JPH2: variants seen among roughly 807,000 people sequenced by gnomAD.
JPH2 encodes the protein junctophilin 2.
JPH2 carries 38 observed loss-of-function variants against 55.9 expected under a neutral mutation model. The observed-to-expected ratio is 0.68, with a 90% CI of 0.52 to 0.89. The LOEUF (loss-of-function observed/expected upper bound fraction) is 0.89, where lower values mean the gene tolerates loss of function less well. JPH2 is among the 40% of genes least tolerant of loss of function. JPH2 has a pLI of 0.00. For missense variants in JPH2, 964 were observed against 1,037.6 expected, an observed-to-expected ratio of 0.93 and a Z score of 0.97; for synonymous variants, 480 against 472.4, an observed-to-expected ratio of 1.02 and a Z score of -0.21.
At chr20:44,124,690 A>C (rs780940106) in intron 2 of JPH2, among the ~76,000 whole-genome samples, 52 of 151,890 alleles carry the variant, frequency 3.4e-4, no homozygotes, top group Non-Finnish European at 5.6e-4. Context: ...GGAAACAAAA[A>C]TCCCTTGCAG....
At chr20:44,116,522 C>A in intron 3 of JPH2, 136 bp from the exon 4 acceptor site, 1 of 961,704 alleles carries the variant, frequency 1.0e-6, no homozygotes, top group Non-Finnish European at 1.6e-6. Context: ...GTGCCAGGCA[C>A]TGTTCCAAGC....
intron 1 of JPH2, chr20:44,177,556 A>G: frequency 8.7e-7 from 1 of 1,144,762 alleles, no homozygotes; most frequent in South Asian, 2.0e-5. Flanking sequence ...TCTCCATAGA[A>G]TGCCCAGAAG....
chr20:44,145,248 A>AT (rs1337531368), intron 2 of JPH2, among the ~76,000 whole-genome samples: 23 of 151,914 alleles, frequency 1.5e-4, no homozygotes, highest in Admixed American at 6.6e-4. Flanking sequence ...GGAGAGGGAG[A>AT]TTTTTCTCCC....
At chr20:44,161,984 A>C (rs193013739) in intron 1 of JPH2, among the ~76,000 whole-genome samples, 120 of 152,002 alleles carry the variant, frequency 7.9e-4, no homozygotes, top group African/African-American at 2.7e-3. Flanking sequence ...CACTCACCCC[A>C]CACACACACC....
chr20:44,134,663 T>TAAATATTTATAATAATATATATAA (rs374777754), intron 2 of JPH2, among the ~76,000 whole-genome samples: 1 of 27,698 alleles, frequency 3.6e-5, no homozygotes, highest in Non-Finnish European at 5.9e-5. Flanking sequence ...TATAAATATA[T>TAAATATTTATAATAATATATATAA]ATAAATATAT....
intron 1 of JPH2, among the ~76,000 whole-genome samples, chr20:44,173,421 C>A (rs879807180): frequency 1.3e-5 from 2 of 152,094 alleles, no homozygotes; most frequent in Non-Finnish European, 2.9e-5. Flanking sequence ...ATAATTTCAT[C>A]CCCAATCCAA....
chr20:44,175,437 C>A (rs2145893041), intron 1 of JPH2, among the ~76,000 whole-genome samples: 1 of 152,370 alleles, frequency 6.6e-6, no homozygotes, highest in South Asian at 2.1e-4. Flanking sequence ...CCGTAACAAT[C>A]CCAAGGCCTT....
intron 1 of JPH2, among the ~76,000 whole-genome samples, chr20:44,175,310 T>G (rs1245412143): frequency 6.6e-6 from 1 of 152,240 alleles, no homozygotes; most frequent in African/African-American, 2.4e-5. Context: ...TAGATTTCTT[T>G]CTGTATGAAT....
intron 2 of JPH2, among the ~76,000 whole-genome samples, chr20:44,141,056 G>A (rs1316368371): frequency 6.6e-6 from 1 of 152,124 alleles, no homozygotes; most frequent in Non-Finnish European, 1.5e-5. Context: ...GCAGTGAAGG[G>A]GCTAGAGATG....
At chr20:44,140,922 A>G (rs2072451984) in intron 2 of JPH2, among the ~76,000 whole-genome samples, 1 of 152,196 alleles carries the variant, frequency 6.6e-6, no homozygotes, top group Admixed American at 6.5e-5. Flanking sequence ...GGCTCAGGAA[A>G]GTGACATGCC....
chr20:44,132,439 C>G (rs975487159), intron 2 of JPH2, among the ~76,000 whole-genome samples: 1 of 151,214 alleles, frequency 6.6e-6, no homozygotes, highest in Admixed American at 6.6e-5. Context: ...CCATCTCCCC[C>G]CCTTGCCCCA....
chr20:44,155,883 A>C (rs2072562207), intron 2 of JPH2, among the ~76,000 whole-genome samples: 1 of 152,116 alleles, frequency 6.6e-6, no homozygotes, highest in Non-Finnish European at 1.5e-5. Context: ...TAAAAATACA[A>C]AAATTAGCCA....
At position 44,115,470 on chromosome 20, in the gene JPH2, G is replaced by C. The variant is rs1471383119; in HGVS notation, c.2010+195C>G. Among the ~76,000 whole-genome samples the C allele has an allele frequency of 6.6e-5, 10 of 152,240 alleles. No homozygotes were observed. In the South Asian group the frequency reaches 2.1e-3, roughly 32 times the overall value. On this transcript the variant is annotated intron_variant, in intron 4 of 5. Transcript: ENST00000372980. ...AGGAGGACTCCATGCGGCCATTTACGCTCCAACGTCCTCTGTGGACCAAGC... is the reference window on the plus strand; with the variant it reads ...AGGAGGACTCCATGCGGCCATTTACCCTCCAACGTCCTCTGTGGACCAAGC...
chr20:44,185,969 A>G (rs1216248628), intron 1 of JPH2, among the ~76,000 whole-genome samples: 5 of 152,232 alleles, frequency 3.3e-5, no homozygotes, highest in Admixed American at 6.5e-5. Flanking sequence ...TTCATGGCAA[A>G]GTTAAGACTA....
rs766863421 is a variant in JPH2, at chr20:44,187,049, G to A, written c.-344C>T. 3.8e-5 allele frequency: 12 copies of A among 313,650 alleles called. No individual in the cohort carries two copies. Among genetic ancestry groups the A allele is most frequent in the Non-Finnish European group, 6.5e-5 (11 of 168,312 alleles). The allele number at this position is 313,650 out of a possible 1,614,324, so 19.4% of individuals were successfully genotyped here. ...GAAAACGGTGTGATCTCTTTAAGAA[G>A]CCCAGTGAAAGGGTGGGGTGGAGGG... On this transcript the variant is annotated 5_prime_UTR_variant, in exon 1 of 6. Coordinates refer to ENST00000372980, the MANE Select transcript of JPH2 (RefSeq NM_020433.5).
At position 44,159,700 on chromosome 20, in the gene JPH2, G is replaced by C. The variant is rs751173523; in HGVS notation, c.1087C>G (p.Arg363Gly). 1.2e-6 allele frequency: 2 copies of C among 1,613,098 alleles called. No individual in the cohort carries two copies. Among genetic ancestry groups the C allele is most frequent in the South Asian group, 2.2e-5 (2 of 91,086 alleles). Residue 363 changes from arginine to glycine, a missense_variant, in exon 2 of 6, where the codon CGC (arginine) becomes GGC (glycine). Transcript: ENST00000372980. The surrounding 1 kb of genome is among the most constrained non-coding windows in gnomAD (Gnocchi z 5.7). Reference protein sequence around the residue: ...RMLQLKSNKVRQKVEHSVEGA... With the variant: ...RMLQLKSNKVGQKVEHSVEGA... Reference sequence around the variant, plus strand: ...TCCACACTGTGCTCCACTTTCTGGCGGACCTTGTTGCTCTTGAGCTGCAGC... The same window carrying C: ...TCCACACTGTGCTCCACTTTCTGGCCGACCTTGTTGCTCTTGAGCTGCAGC...
At chr20:44,123,106 C>T (rs182214031) in intron 2 of JPH2, among the ~76,000 whole-genome samples, 1 of 152,286 alleles carries the variant, frequency 6.6e-6, no homozygotes, top group Admixed American at 6.5e-5. Flanking sequence ...GGCCACACAG[C>T]CCAGGGCAAT....
intron 2 of JPH2, among the ~76,000 whole-genome samples, chr20:44,134,399 T>A (rs1168897733): frequency 1.0e-4 from 1 of 9,804 alleles, no homozygotes; most frequent in Non-Finnish European, 1.7e-4. Flanking sequence ...ATATATTTAT[T>A]ATAAATATAT....
chr20:44,129,392 T>C (rs1277006623), intron 2 of JPH2, among the ~76,000 whole-genome samples: 2 of 152,024 alleles, frequency 1.3e-5, no homozygotes, highest in African/African-American at 4.8e-5. Context: ...TCGTCTCTAC[T>C]AAAAATACAA....
Sources: gnomAD v4.1 joint callset for allele counts (sites outside exome capture counted in the v4.1 genomes callset) on GRCh38, gnomAD v4.1.1 for gene constraint, Gnocchi (gnomAD v3.1) non-coding constraint, MANE v1.5 for transcripts, NCBI Gene and HGNC (gene_info 2026-07-23, HGNC 2026-07-21) for gene names.